Variants in FYN observed in about 807,000 individuals in gnomAD.
FYN encodes tyrosine-protein kinase Fyn.
FYN carries 10 observed loss-of-function variants against 70.2 expected under a neutral mutation model. The observed-to-expected ratio is 0.14, with a 90% confidence interval of 0.09 to 0.24. The LOEUF (loss-of-function observed/expected upper bound fraction) is 0.24. Ranked by LOEUF, FYN falls within the 10% of genes least tolerant of loss-of-function variation. The pLI is 1.00. For missense variants in FYN, 319 were observed against 673.1 expected (o/e 0.47, Z 5.82); for synonymous variants, 236 against 248.6 (o/e 0.95, Z 0.48).
At chr6:111,685,580 G>C (rs1276364135) in intron 12 of FYN, among the ~76,000 whole-genome samples, 2 of 152,198 alleles carry the variant, frequency 1.3e-5, no homozygotes, top group East Asian at 3.9e-4. Flanking sequence ...GCGTGTCCAT[G>C]ATTACCCAGA....
At chr6:111,826,099 G>T (rs1772826200) in intron 2 of FYN, among the ~76,000 whole-genome samples, 1 of 152,150 alleles carries the variant, frequency 6.6e-6, no homozygotes, top group Admixed American at 6.6e-5. Context: ...ATTGAAAAAG[G>T]AATACAGGGA....
At chr6:111,734,924 C>T (rs1801642875) in intron 3 of FYN, among the ~76,000 whole-genome samples, 1 of 152,194 alleles carries the variant, frequency 6.6e-6, no homozygotes, top group African/African-American at 2.4e-5. Context: ...CCTCTGTCCT[C>T]AGGGAGCTAA....
intron 12 of FYN, among the ~76,000 whole-genome samples, chr6:111,685,489 TG>T (rs1392530592): frequency 6.6e-6 from 1 of 152,254 alleles, no homozygotes; most frequent in Non-Finnish European, 1.5e-5. Flanking sequence ...ACCCTGGGGA[TG>T]GCAGAGCAAT....
rs564673827 is a variant in FYN at position 111,843,708 on chromosome 6, T to A, written c.-82+2881A>T. On this transcript the variant is annotated intron_variant, in intron 2 of 13. Coordinates refer to ENST00000354650, the MANE Select transcript of FYN (RefSeq NM_002037.5). ...ACTCATTCATGCCTGCTCAATTTTT[T>A]AAGAGGGCCTACTATGAGTTAGGCA... Among the ~76,000 whole-genome samples, 20 of 152,312 alleles carry A rather than the reference T, an allele frequency of 1.3e-4. No individual in the cohort carries two copies. In the South Asian group the frequency reaches 3.9e-3, roughly 30 times the overall value.
chr6:111,707,784 C>T (rs191829922), intron 6 of FYN, 138 bp downstream of exon 6: 74 of 643,680 alleles, frequency 1.1e-4, no homozygotes, highest in Middle Eastern at 3.8e-4. Context: ...GGGTAAAAAC[C>T]GGGGCAGAAA....
At chr6:111,775,524 C>G (rs1251992849) in intron 3 of FYN, among the ~76,000 whole-genome samples, 1 of 152,190 alleles carries the variant, frequency 6.6e-6, no homozygotes, top group Non-Finnish European at 1.5e-5. Flanking sequence ...AAATGATGTG[C>G]TTTAGGGATC....
chr6:111,673,767 G>A (rs991792848), intron 13 of FYN, among the ~76,000 whole-genome samples: 1 of 151,980 alleles, frequency 6.6e-6, no homozygotes, highest in African/African-American at 2.4e-5. Flanking sequence ...AACCACTAAA[G>A]CGTGGAGGTG....
chr6:111,813,396 G>A (rs1264332300), intron 2 of FYN, among the ~76,000 whole-genome samples: 1 of 152,178 alleles, frequency 6.6e-6, no homozygotes, highest in African/African-American at 2.4e-5. Context: ...GCAAACTTGA[G>A]AGAATAATCA....
intron 1 of FYN, among the ~76,000 whole-genome samples, chr6:111,866,861 A>G (rs1263480738): frequency 1.3e-5 from 2 of 152,176 alleles, no homozygotes; most frequent in Admixed American, 6.5e-5. Flanking sequence ...AGGCTTTGAT[A>G]TGTGTTTTTA....
intron 2 of FYN, among the ~76,000 whole-genome samples, chr6:111,807,245 G>A (rs544038071): frequency 6.6e-6 from 1 of 152,158 alleles, no homozygotes; most frequent in African/African-American, 2.4e-5. Flanking sequence ...ACAAGAATTT[G>A]TTTCTCAGCA....
At chr6:111,665,900 G>T (rs902244227) in intron 13 of FYN, among the ~76,000 whole-genome samples, 1 of 151,976 alleles carries the variant, frequency 6.6e-6, no homozygotes, top group African/African-American at 2.4e-5. Context: ...TGGGATTACA[G>T]GTGTGAGCCA....
chr6:111,730,218 G>A (rs1801386032), intron 3 of FYN, among the ~76,000 whole-genome samples: 1 of 152,194 alleles, frequency 6.6e-6, no homozygotes, highest in Non-Finnish European at 1.5e-5. Context: ...GCACAGCAAT[G>A]AACAGCCATA....
intron 13 of FYN, among the ~76,000 whole-genome samples, chr6:111,672,370 C>T (rs1030717532): frequency 1.3e-5 from 2 of 152,246 alleles, no homozygotes; most frequent in Non-Finnish European, 2.9e-5. Context: ...GCTCACAGCT[C>T]TCTCTGCAGG....
intron 3 of FYN, among the ~76,000 whole-genome samples, chr6:111,765,774 TAAAA>T (rs35232125): frequency 4.9e-5 from 7 of 142,138 alleles, no homozygotes; most frequent in Admixed American, 4.8e-4. Flanking sequence ...GACTAGAAAT[TAAAA>T]AAAAAAAAAA....
intron 3 of FYN, among the ~76,000 whole-genome samples, chr6:111,732,788 A>C (rs931826063): frequency 2.6e-5 from 4 of 152,184 alleles, no homozygotes; most frequent in Admixed American, 2.0e-4. Context: ...GTGCTGGTGA[A>C]CTGGCTTCAA....
intron 6 of FYN, among the ~76,000 whole-genome samples, chr6:111,705,817 C>G (rs13196210): frequency 0.12 from 18,268 of 152,176 alleles, 1,273 homozygotes; most frequent in South Asian, 0.33. Flanking sequence ...CCACTGCACT[C>G]TAGCCTGGGG....
chr6:111,664,058 T>C (rs1227573762), intron 13 of FYN, among the ~76,000 whole-genome samples: 1 of 152,228 alleles, frequency 6.6e-6, no homozygotes, highest in Non-Finnish European at 1.5e-5. Flanking sequence ...ATTACGAGGC[T>C]ATTTACTGTT....
At chr6:111,742,176 A>C (rs1436606619) in intron 3 of FYN, among the ~76,000 whole-genome samples, 1 of 152,158 alleles carries the variant, frequency 6.6e-6, no homozygotes, top group Non-Finnish European at 1.5e-5. Flanking sequence ...CCTTTTTACT[A>C]TAGAAAATCT....
rs2073048336 is a variant in FYN, at chr6:111,712,480, T to C, written c.344+1867A>G. On this transcript the variant is annotated intron_variant, in intron 5 of 13. Transcript: ENST00000354650. ...ACTTGAAGGTTCCCATCCCCTTTGA[T>C]AAAGTATCTGGGCCTTTCCCAGATC... Among the ~76,000 whole-genome samples, 3 of 152,228 alleles carry C rather than the reference T, an allele frequency of 2.0e-5. No individual in the cohort carries two copies. In the South Asian group the frequency reaches 6.2e-4, roughly 32 times the overall value.
Sources: allele counts gnomAD v4.1 joint callset (sites outside exome capture counted in the v4.1 genomes callset), GRCh38; gene constraint gnomAD v4.1.1; transcripts MANE v1.5; gene names NCBI Gene and HGNC (gene_info 2026-07-23, HGNC 2026-07-21).